Variants in SPARCL1 observed in about 807,000 individuals in gnomAD.
SPARCL1 encodes SPARC-like protein 1.
SPARCL1 carries 52 observed loss-of-function variants against 67.1 expected under a neutral mutation model. The ratio of observed to expected loss-of-function variants is 0.78; its 90% CI spans 0.62 to 0.98. The LOEUF (loss-of-function observed/expected upper bound fraction) is 0.98, where lower values mean the gene tolerates loss of function less well. SPARCL1 is among the 50% of genes least tolerant of loss of function. The pLI is 0.00. For missense variants in SPARCL1, 717 were observed against 782.4 expected (o/e 0.92, Z 1.00); for synonymous variants, 226 against 267.8 (o/e 0.84, Z 1.52).
intron 2 of SPARCL1, chr4:87,497,196 A>G (rs538340695): frequency 1.7e-5 from 17 of 985,216 alleles, no homozygotes; most frequent in Middle Eastern, 5.2e-4. Context: ...TACAGGATTC[A>G]TATTAGGTTT....
intron 1 of SPARCL1, among the ~76,000 whole-genome samples, chr4:87,505,972 G>T (rs1725055577): frequency 6.6e-6 from 1 of 152,088 alleles, no homozygotes; most frequent in Admixed American, 6.6e-5. Flanking sequence ...TAACATTTTG[G>T]CTTGATGATT....
intron 8 of SPARCL1, among the ~76,000 whole-genome samples, chr4:87,481,294 C>G (rs1022984755): frequency 3.3e-5 from 5 of 152,172 alleles, no homozygotes; most frequent in Non-Finnish European, 7.3e-5. Flanking sequence ...ATTCTCTGCT[C>G]CCCACTAACA....
chr4:87,477,203 T>G (rs886923380), intron 10 of SPARCL1, among the ~76,000 whole-genome samples: 45 of 152,332 alleles, frequency 3.0e-4, no homozygotes, highest in East Asian at 9.7e-4. Flanking sequence ...GAGATGCAAC[T>G]GGTTTTCTTA....
chr4:87,474,892 G>A (rs1207729582), intron 10 of SPARCL1, among the ~76,000 whole-genome samples: 5 of 151,862 alleles, frequency 3.3e-5, no homozygotes, highest in East Asian at 3.9e-4. Flanking sequence ...ACAGGCGCCC[G>A]CCACCACGCC....
At chr4:87,492,055 T>A (rs1034952666) in intron 4 of SPARCL1, among the ~76,000 whole-genome samples, 3 of 150,564 alleles carry the variant, frequency 2.0e-5, no homozygotes, top group African/African-American at 7.3e-5. Context: ...GAGGTTGAGG[T>A]TGCAGTAAGC....
chr4:87,528,141 T>A (rs1165553898), intron 1 of SPARCL1: 1 of 152,202 alleles, frequency 6.6e-6, no homozygotes, highest in East Asian at 1.9e-4. Context: ...GGTGTACTGT[T>A]TCAACAGTAT....
chr4:87,510,216 C>G (rs944396246), intron 1 of SPARCL1, among the ~76,000 whole-genome samples: 3 of 151,732 alleles, frequency 2.0e-5, no homozygotes, highest in Admixed American at 1.3e-4. Context: ...ATATGTGTTC[C>G]GCATGTCTCT....
At chr4:87,485,696 C>T (rs1218142462) in intron 7 of SPARCL1, among the ~76,000 whole-genome samples, 1 of 151,918 alleles carries the variant, frequency 6.6e-6, no homozygotes, top group Non-Finnish European at 1.5e-5. Context: ...GTCTGGTCCC[C>T]AGCTTTTTTT....
intron 1 of SPARCL1, among the ~76,000 whole-genome samples, chr4:87,517,850 A>G (rs1305257920): frequency 6.6e-6 from 1 of 152,236 alleles, no homozygotes; most frequent in East Asian, 1.9e-4. Context: ...AAATAATACC[A>G]AAGAACAGTT....
intron 1 of SPARCL1, among the ~76,000 whole-genome samples, chr4:87,517,815 C>T (rs1725647625): frequency 6.6e-6 from 1 of 152,168 alleles, no homozygotes; most frequent in African/African-American, 2.4e-5. Flanking sequence ...GGGGGTAGTT[C>T]TCTTCTAGGA....
chr4:87,476,074 C>T (rs992527996), intron 10 of SPARCL1, among the ~76,000 whole-genome samples: 1 of 152,148 alleles, frequency 6.6e-6, no homozygotes, highest in African/African-American at 2.4e-5. Flanking sequence ...GAAACTAACA[C>T]TTAGGAGGCA....
intron 2 of SPARCL1, among the ~76,000 whole-genome samples, chr4:87,497,414 A>T (rs1383319195): frequency 6.6e-6 from 1 of 152,222 alleles, no homozygotes; most frequent in Non-Finnish European, 1.5e-5. Flanking sequence ...CTCCCCCTCC[A>T]TCCGCCTACT....
chr4:87,524,990 C>G (rs1452379963), intron 1 of SPARCL1, among the ~76,000 whole-genome samples: 1 of 151,904 alleles, frequency 6.6e-6, no homozygotes, highest in South Asian at 2.1e-4. Context: ...TGACAAAACC[C>G]CATCTCTACT....
At chr4:87,504,698 C>T (rs1164447069) in intron 1 of SPARCL1, 1 of 152,018 alleles carries the variant, frequency 6.6e-6, no homozygotes, top group Admixed American at 6.6e-5. Context: ...GGAAGGGGGA[C>T]AAAAACTAAA....
intron 1 of SPARCL1, among the ~76,000 whole-genome samples, chr4:87,517,072 T>C (rs1343174108): frequency 6.6e-6 from 1 of 152,220 alleles, no homozygotes; most frequent in Non-Finnish European, 1.5e-5. Flanking sequence ...TATTTTTCTT[T>C]GCTCAAGTCC....
At chr4:87,502,051 G>A (rs1578106837) in intron 1 of SPARCL1, among the ~76,000 whole-genome samples, 2 of 151,186 alleles carry the variant, frequency 1.3e-5, no homozygotes, top group East Asian at 3.9e-4. Context: ...TGATCTGCCT[G>A]CCTCAGCCCC....
At chr4:87,525,034 A>G (rs1256232771) in intron 1 of SPARCL1, among the ~76,000 whole-genome samples, 1 of 151,890 alleles carries the variant, frequency 6.6e-6, no homozygotes, top group African/African-American at 2.4e-5. Flanking sequence ...ATGGTAGTAC[A>G]TGCCTGTAGT....
intron 1 of SPARCL1, among the ~76,000 whole-genome samples, chr4:87,505,239 T>G (rs910742769): frequency 6.6e-6 from 1 of 152,188 alleles, no homozygotes; most frequent in Non-Finnish European, 1.5e-5. Context: ...ATAATTCCAT[T>G]AATTGTATGA....
chr4:87,493,756 G>T lies in SPARCL1; in HGVS notation c.1044C>A (p.Gly348=). 1.2e-6 allele frequency: 2 copies of T among 1,614,052 alleles called. No homozygotes were observed. The highest frequency in any genetic ancestry group is 1.3e-5 in the African/African-American group (1 of 75,018). Residue 348 remains glycine, a synonymous_variant, in exon 4 of 11, where the codon GGC becomes GGA. Transcript: ENST00000282470. The stretch of plus-strand genomic sequence containing the variant: ...CACTGTGCCTGGGGCCATCAGTGCC[G>T]CCATCATCGCCATCATCATCGCCAT... ...DDDGDDDGDD[G]GTDGPRHSAS...
Sources: gnomAD v4.1 joint callset for allele counts (sites outside exome capture counted in the v4.1 genomes callset) on GRCh38, gnomAD v4.1.1 for gene constraint, MANE v1.5 for transcripts, NCBI Gene and HGNC (gene_info 2026-07-23, HGNC 2026-07-21) for gene names.